NKTR: variants seen among roughly 807,000 people sequenced by gnomAD.
NKTR encodes natural killer cell triggering receptor.
A neutral mutation model predicts 156.3 loss-of-function variants in NKTR; 67 were observed. The observed-to-expected ratio is 0.43, with a 90% CI of 0.35 to 0.53. The LOEUF is 0.53. Among genes scored for constraint, NKTR ranks in the 20% least tolerant of loss-of-function variants. NKTR has a pLI of 0.01. For missense variants in NKTR, 1,604 were observed against 1,730.9 expected, an observed-to-expected ratio of 0.93 and a Z score of 1.30; for synonymous variants, 640 against 596.6, an observed-to-expected ratio of 1.07 and a Z score of -1.06.
chr3:42,637,867 TC>T lies in NKTR; in HGVS notation c.2165del (p.Pro722HisfsTer74). The T allele has an allele frequency of 6.2e-7, 1 of 1,613,780 alleles. No homozygotes were observed. Among genetic ancestry groups the T allele is most frequent in the East Asian group, 2.2e-5 (1 of 44,882 alleles). ...CTAGTTCACATTCAAGGTCTAGGTCTCCATCATCTAGATCTCATTCACGAAA... is the reference window on the plus strand; with the variant it reads ...CTAGTTCACATTCAAGGTCTAGGTCTCATCATCTAGATCTCATTCACGAAA... ...LASSHSRSRS[P>X]SSRSHSRNKY... On this transcript the variant is annotated frameshift_variant, in exon 13 of 17. Coordinates refer to ENST00000232978, the MANE Select transcript of NKTR (RefSeq NM_005385.4). LOFTEE classifies it high-confidence loss of function.
At position 42,643,942 on chromosome 3, in the gene NKTR, C is replaced by T. The variant is rs1559597141; in HGVS notation, c.4240C>T (p.Arg1414Ter). The change falls in exon 16 of 17, where the codon CGA becomes TGA. Residue 1414 changes from arginine to a stop codon, truncating the protein, a stop_gained. Transcript: ENST00000232978. LOFTEE classifies it high-confidence loss of function. The stretch of plus-strand genomic sequence containing the variant: ...TAGCTACTATAGCAGGAGTCGGAGT[C>T]GAAGTAGAAGCCAGAGAAGTGACAG... ...YDSYYSRSRS[R>*]SRSQRSDSYH... The T allele has an allele frequency of 6.2e-7, 1 of 1,613,918 alleles. No homozygotes were observed. Among genetic ancestry groups the T allele is most frequent in the Non-Finnish European group, 8.5e-7 (1 of 1,179,934 alleles).
Position 42,631,203 on chromosome 3 carries a change from G to A in NKTR, c.437G>A (p.Gly146Asp). Residue 146 changes from glycine (G) to aspartate (D), a missense_variant, in exon 8 of 17, where the codon GGT (glycine) becomes GAT (aspartate). Gly to Asp is a moderately conservative substitution (Grantham distance 94). Around this residue, in one of 6 missense-constraint regions of NKTR, gnomAD observed 61 missense variants for 113.3 expected, o/e 0.54. Transcript: ENST00000232978. The part of the protein sequence containing the change: ...VHVVFGLVIS[G>D]FEVIEQIENL... ...GTAGTCTTTGGACTGGTTATTTCTG[G>A]TTTTGAAGTAATCGAACAAATTGAA... 1 of 1,613,968 alleles carries A rather than the reference G, an allele frequency of 6.2e-7. No homozygotes were observed. The highest frequency in any genetic ancestry group is 1.1e-5 in the South Asian group (1 of 91,076).
Position 42,637,936 on chromosome 3 carries a change from T to C in NKTR, c.2232T>C (p.Tyr744=), listed in dbSNP as rs1395919402. 3 of 1,613,976 alleles carry C rather than the reference T, an allele frequency of 1.9e-6. No individual in the cohort carries two copies. The highest frequency in any genetic ancestry group is 1.1e-5 in the South Asian group (1 of 91,068). ...DHSQCSRSSS[Y]TSISSDDGRR... is the part of the protein sequence containing the mutation. ...CACAGTGTAGTAGATCATCTTCATA[T>C]ACTTCTATTAGCAGTGATGATGGAA... Residue 744 remains tyrosine (Y), a synonymous_variant, in exon 13 of 17, where the codon TAT becomes TAC. Coordinates refer to ENST00000232978, the MANE Select transcript of NKTR (RefSeq NM_005385.4).
intron 2 of NKTR, 66 bp downstream of exon 2, chr3:42,601,130 C>A: frequency 7.7e-7 from 1 of 1,301,496 alleles, no homozygotes; most frequent in Non-Finnish European, 1.0e-6. Flanking sequence ...AGGGGTCTAC[C>A]CTCAGCAACC....
At position 42,628,019 on chromosome 3, in the gene NKTR, C is replaced by G. The variant is rs963153667; in HGVS notation, c.375-2527C>G. On this transcript the variant is annotated intron_variant, in intron 6 of 16. Transcript: ENST00000232978. ...TTTGTAACCCTCTTTGGCTAATGTC[C>G]TCTGTTCATCCACGTATTAGCCAAG... 6 of 984,912 alleles carry G rather than the reference C, an allele frequency of 6.1e-6. No homozygotes were observed. The Admixed American group carries it at 3.7e-4, about 61-fold the overall frequency. 61.0% of individuals were successfully genotyped at this position (984,912 alleles called of 1,614,324 possible).
intron 9 of NKTR, chr3:42,633,242 A>T: frequency 1.8e-6 from 1 of 561,548 alleles, no homozygotes; most frequent in South Asian, 4.6e-5. Context: ...GTCTTCCGCT[A>T]TGTTGACCAG....
rs760560131 is a variant in NKTR, at chr3:42,637,600, A to T, written c.1896A>T (p.Arg632=). Reference sequence around the variant, plus strand: ...AACCTTGGAAGCCCTCTTATGAGCGAATTCAGGAAATGAAAGCTAAAACAA... The same window carrying T: ...AACCTTGGAAGCCCTCTTATGAGCGTATTCAGGAAATGAAAGCTAAAACAA... ...GQKPWKPSYE[R]IQEMKAKTTH... The change falls in exon 13 of 17, where the codon CGA becomes CGT. Residue 632 remains arginine (R), a synonymous_variant. Coordinates refer to ENST00000232978, the MANE Select transcript of NKTR (RefSeq NM_005385.4). 1 of 1,609,990 alleles carries T rather than the reference A, an allele frequency of 6.2e-7. No homozygotes were observed. Among genetic ancestry groups the T allele is most frequent in the Non-Finnish European group, 8.5e-7 (1 of 1,178,914 alleles).
chr3:42,644,824 C>T (rs1710217876), intron 16 of NKTR, among the ~76,000 whole-genome samples: 1 of 152,182 alleles, frequency 6.6e-6, no homozygotes, highest in Admixed American at 6.5e-5. Flanking sequence ...GGGCAGCCCT[C>T]CCTGATGCCT....
intron 13 of NKTR, among the ~76,000 whole-genome samples, chr3:42,641,046 C>G (rs986721143): frequency 2.6e-5 from 4 of 152,190 alleles, no homozygotes; most frequent in African/African-American, 4.8e-5. Context: ...ATGAAGACAG[C>G]AAGGCGTAGA....
intron 13 of NKTR, among the ~76,000 whole-genome samples, chr3:42,640,501 G>C (rs554343536): frequency 2.8e-4 from 43 of 152,094 alleles, no homozygotes; most frequent in African/African-American, 1.0e-3. Context: ...TTATTTTATT[G>C]TGCTTGATAT....
intron 10 of NKTR, 48 bp downstream of exon 10, chr3:42,633,783 G>T: frequency 6.2e-7 from 1 of 1,606,726 alleles, no homozygotes. Flanking sequence ...CGATAACACT[G>T]TTCCGTCAGC....
chr3:42,607,969 C>CTTTTTTTTTTTTTTTTTTTTTTTTT lies in NKTR; in HGVS notation c.58+6924_58+6948dup, dbSNP rs201803926. On this transcript the variant is annotated intron_variant, in intron 2 of 16. Transcript: ENST00000232978. The stretch of plus-strand genomic sequence containing the variant: ...TGCCAATCGCAAGTCCTGAGTCGCT[C>CTTTTTTTTTTTTTTTTTTTTTTTTT]TTTTTTTTTTTTTTTTTTTTTTTTT... Among the ~76,000 whole-genome samples, 8 of 74,962 alleles carry CTTTTTTTTTTTTTTTTTTTTTTTTT rather than the reference C, an allele frequency of 1.1e-4. 1 individual carries two copies. The highest frequency in any genetic ancestry group is 1.5e-4 in the Non-Finnish European group (5 of 33,914). The allele number at this position is 74,962 out of a possible 152,430, so 49.2% of individuals were successfully genotyped here.
chr3:42,630,309 TATAGTC>T lies in NKTR; in HGVS notation c.375-236_375-231del, dbSNP rs1050444900. The T allele has an allele frequency of 9.9e-6, 13 of 1,307,000 alleles. No individual in the cohort carries two copies. In the African/African-American group the frequency reaches 2.0e-4, roughly 20 times the overall value. The allele number at this position is 1,307,000 out of a possible 1,614,324, so 81.0% of individuals were successfully genotyped here. On this transcript the variant is annotated intron_variant, in intron 6 of 16. Coordinates refer to ENST00000232978, the MANE Select transcript of NKTR (RefSeq NM_005385.4). ...AACTGATTTCATATGTATGCATACA[TATAGTC>T]TAATAGAGATGATTGTAATTCATTA...
At chr3:42,615,364 C>T (rs1707251418) in intron 2 of NKTR, among the ~76,000 whole-genome samples, 1 of 151,804 alleles carries the variant, frequency 6.6e-6, no homozygotes, top group Admixed American at 6.6e-5. Context: ...CAGGCGTGAG[C>T]CACCATGCCT....
At chr3:42,640,849 A>G (rs1043287533) in intron 13 of NKTR, among the ~76,000 whole-genome samples, 3 of 152,018 alleles carry the variant, frequency 2.0e-5, no homozygotes, top group Admixed American at 1.3e-4. Context: ...CTTCTTCCTC[A>G]TGGCCTTTTC....
In NKTR at chr3:42,646,126, GAGA is replaced by G. The variant is rs1267149993; in HGVS notation, c.*156_*158del. The stretch of plus-strand genomic sequence containing the variant: ...TGTTACTGGTTCATTTACATGTGGG[GAGA>G]AGAATTTAAAATACAGATATGTCTC... On this transcript the variant is annotated 3_prime_UTR_variant, in exon 17 of 17. Coordinates refer to ENST00000232978, the MANE Select transcript of NKTR (RefSeq NM_005385.4). 2.0e-6 allele frequency: 1 copy of G among 492,260 alleles called. No individual in the cohort carries two copies. The highest frequency in any genetic ancestry group is 1.9e-5 in the African/African-American group (1 of 51,654). The allele number at this position is 492,260 out of a possible 1,614,324, so 30.5% of individuals were successfully genotyped here.
At chr3:42,630,604 G>A in intron 7 of NKTR, 29 bp downstream of exon 7, 2 of 1,613,322 alleles carry the variant, frequency 1.2e-6, no homozygotes, top group Non-Finnish European at 1.7e-6. Flanking sequence ...CTACATTGGG[G>A]AAGTGTTTGG....
chr3:42,632,966 A>G (rs1478686217), intron 9 of NKTR, 143 bp downstream of exon 9: 1 of 1,327,182 alleles, frequency 7.5e-7, no homozygotes, highest in Non-Finnish European at 9.6e-7. Context: ...AAATCTGGCA[A>G]ATCTAGGAGT....
chr3:42,641,118 C>CT (rs1313538647), intron 13 of NKTR, among the ~76,000 whole-genome samples: 1 of 152,160 alleles, frequency 6.6e-6, no homozygotes, highest in African/African-American at 2.4e-5. Flanking sequence ...ATGGATAAGC[C>CT]TGGGTGCTGC....
Sources: gnomAD v4.1 joint callset for allele counts (sites outside exome capture counted in the v4.1 genomes callset) on GRCh38, gnomAD v4.1.1 for gene constraint, gnomAD v4.1.1 regional missense constraint, MANE v1.5 for transcripts, NCBI Gene and HGNC (gene_info 2026-07-23, HGNC 2026-07-21) for gene names.